The following RBFOX1 variants were observed in gnomAD, a reference collection of about 807,000 sequenced individuals.
RBFOX1 encodes RNA binding fox-1 homolog 1.
Under a neutral mutation model 57.7 loss-of-function variants are expected in RBFOX1, and 8 were observed. The observed-to-expected ratio is 0.14, with a 90% CI of 0.08 to 0.25. The LOEUF (loss-of-function observed/expected upper bound fraction) is 0.25. RBFOX1 is among the 10% of genes least tolerant of loss of function. The pLI is 1.00. For missense variants in RBFOX1, 611 were observed against 548.5 expected (o/e 1.11, Z -1.14); for synonymous variants, 326 against 222.4 (o/e 1.47, Z -4.15).
chr16:6,247,192 C>G (rs1191400569), intron 1 of RBFOX1, among the ~76,000 whole-genome samples: 4 of 152,202 alleles, frequency 2.6e-5, no homozygotes, highest in Non-Finnish European at 4.4e-5. Context: ...GAAATTGCAA[C>G]TGTCTTGGAA....
intron 1 of RBFOX1, among the ~76,000 whole-genome samples, chr16:5,288,129 A>G (rs2063444373): frequency 6.6e-6 from 1 of 152,240 alleles, no homozygotes; most frequent in South Asian, 2.1e-4. Context: ...CCAAGGGACA[A>G]TGATTGGCTG....
intron 4 of RBFOX1, among the ~76,000 whole-genome samples, chr16:5,906,613 G>A (rs1391388990): frequency 6.6e-6 from 1 of 151,998 alleles, no homozygotes; most frequent in Non-Finnish European, 1.5e-5. Context: ...TTTCATGGGA[G>A]TGCTCCTGGA....
At chr16:6,398,280 T>C (rs973027980) in intron 2 of RBFOX1, among the ~76,000 whole-genome samples, 2 of 152,142 alleles carry the variant, frequency 1.3e-5, no homozygotes, top group African/African-American at 4.8e-5. Flanking sequence ...GATTTCGGTA[T>C]AGCCAAAGCA....
intron 2 of RBFOX1, among the ~76,000 whole-genome samples, chr16:5,510,875 T>C (rs11646331): frequency 0.48 from 73,464 of 151,920 alleles, 18,244 homozygotes; most frequent in African/African-American, 0.6. Flanking sequence ...CAACCAGAAG[T>C]GTCTCTAGCT....
intron 3 of RBFOX1, among the ~76,000 whole-genome samples, chr16:6,991,782 C>T (rs2091501692): frequency 5.3e-5 from 8 of 152,198 alleles, no homozygotes; most frequent in Admixed American, 5.2e-4. Context: ...AGCAATCTGC[C>T]TGCTTAGGCC....
intron 1 of RBFOX1, among the ~76,000 whole-genome samples, chr16:5,329,727 C>T (rs185155826): frequency 1.2e-4 from 19 of 152,262 alleles, no homozygotes; most frequent in South Asian, 6.2e-4. Context: ...GGGCCGGGCG[C>T]GGTGGCTTAC....
chr16:6,391,440 G>A (rs535370104), intron 2 of RBFOX1, among the ~76,000 whole-genome samples: 1 of 151,670 alleles, frequency 6.6e-6, no homozygotes, highest in East Asian at 1.9e-4. Flanking sequence ...AACCCGGGAG[G>A]TGGAGCTTGC....
chr16:5,762,065 A>C (rs1055012216), intron 3 of RBFOX1, among the ~76,000 whole-genome samples: 1 of 152,202 alleles, frequency 6.6e-6, no homozygotes, highest in Non-Finnish European at 1.5e-5. Context: ...GAATGGAAAT[A>C]AAAATGGATC....
intron 3 of RBFOX1, among the ~76,000 whole-genome samples, chr16:6,952,147 CAT>C (rs1412338086): frequency 2.0e-5 from 3 of 152,148 alleles, no homozygotes; most frequent in African/African-American, 7.2e-5. Context: ...TCGCAGAGCA[CAT>C]AGTCGTTGTG....
At chr16:7,548,952 G>A (rs2085464276) in intron 5 of RBFOX1, among the ~76,000 whole-genome samples, 1 of 152,214 alleles carries the variant, frequency 6.6e-6, no homozygotes, top group Non-Finnish European at 1.5e-5. Flanking sequence ...CCAAGGAAAA[G>A]CCACCATCCC....
intron 3 of RBFOX1, among the ~76,000 whole-genome samples, chr16:6,659,554 A>C (rs567422984): frequency 6.6e-6 from 1 of 152,254 alleles, no homozygotes; most frequent in South Asian, 2.1e-4. Context: ...AAATAAAGGA[A>C]GCTCAGGCAC....
intron 4 of RBFOX1, among the ~76,000 whole-genome samples, chr16:7,227,520 G>A (rs1205980552): frequency 6.6e-6 from 1 of 152,204 alleles, no homozygotes; most frequent in Non-Finnish European, 1.5e-5. Context: ...TACTTCTGCA[G>A]CTCTTCAGAC....
intron 4 of RBFOX1, among the ~76,000 whole-genome samples, chr16:7,337,568 G>C (rs1192731670): frequency 6.6e-6 from 1 of 152,158 alleles, no homozygotes. Flanking sequence ...GGAGCTGGGA[G>C]GAATCTCAAC....
chr16:6,279,399 A>T (rs2076155101), intron 1 of RBFOX1, among the ~76,000 whole-genome samples: 1 of 152,202 alleles, frequency 6.6e-6, no homozygotes, highest in Non-Finnish European at 1.5e-5. Context: ...CCTGAGCATG[A>T]GACGTTAAAT....
intron 3 of RBFOX1, among the ~76,000 whole-genome samples, chr16:6,758,641 T>C (rs2154196866): frequency 6.6e-6 from 1 of 152,338 alleles, no homozygotes; most frequent in East Asian, 1.9e-4. Context: ...CTAAGACTTT[T>C]AAAGCACAGA....
intron 3 of RBFOX1, among the ~76,000 whole-genome samples, chr16:5,744,630 T>C (rs1038860172): frequency 6.6e-6 from 1 of 152,188 alleles, no homozygotes; most frequent in Non-Finnish European, 1.5e-5. Flanking sequence ...GGAGAGCAAG[T>C]TGTTAAATAT....
chr16:6,483,638 G>T, intron 2 of RBFOX1: 1 of 1,283,206 alleles, frequency 7.8e-7, no homozygotes, highest in Non-Finnish European at 1.0e-6. Flanking sequence ...GGCAGCTTCT[G>T]CAGAGGCTTC....
chr16:7,080,132 C>G (rs1233075292), intron 4 of RBFOX1, among the ~76,000 whole-genome samples: 1 of 148,604 alleles, frequency 6.7e-6, no homozygotes, highest in East Asian at 2.0e-4. Context: ...GACTAGTATA[C>G]TTTACTATAT....
At chr16:7,156,141 G>T (rs1178865430) in intron 4 of RBFOX1, among the ~76,000 whole-genome samples, 2 of 151,688 alleles carry the variant, frequency 1.3e-5, no homozygotes, top group East Asian at 1.9e-4. Context: ...AAGGTGCTGG[G>T]ATCACAAGTG....
Sources: gnomAD v4.1 joint callset for allele counts (sites outside exome capture counted in the v4.1 genomes callset) on GRCh38, gnomAD v4.1.1 for gene constraint, MANE v1.5 for transcripts, NCBI Gene and HGNC (gene_info 2026-07-23, HGNC 2026-07-21) for gene names.